PRKG1: variants seen among roughly 807,000 people sequenced by gnomAD.
PRKG1 encodes the protein protein kinase cGMP-dependent 1.
A neutral mutation model predicts 88.1 loss-of-function variants in PRKG1; 35 were observed. The ratio of observed to expected loss-of-function variants is 0.40; its 90% CI spans 0.30 to 0.53. The LOEUF (loss-of-function observed/expected upper bound fraction) is 0.53, where lower values mean the gene tolerates loss of function less well. Among genes scored for constraint, PRKG1 ranks in the 20% least tolerant of loss-of-function variants. PRKG1 has a pLI of 0.59. For synonymous variants in PRKG1, 303 were observed against 292.5 expected (o/e 1.04, Z -0.37); for missense variants, 540 against 839.8 (o/e 0.64, Z 4.41).
intron 3 of PRKG1, among the ~76,000 whole-genome samples, chr10:51,685,134 C>A (rs1840954746): frequency 6.6e-6 from 1 of 152,162 alleles, no homozygotes; most frequent in Admixed American, 6.5e-5. Context: ...TAATATTTCT[C>A]CACATTCAGC....
intron 4 of PRKG1, among the ~76,000 whole-genome samples, chr10:51,885,876 T>C (rs2132891947): frequency 6.6e-6 from 1 of 152,320 alleles, no homozygotes; most frequent in Middle Eastern, 3.4e-3. Context: ...ATATTATAAA[T>C]TATCTATTAC....
At chr10:51,754,555 C>T (rs529102849) in intron 3 of PRKG1, among the ~76,000 whole-genome samples, 32 of 152,264 alleles carry the variant, frequency 2.1e-4, no homozygotes, top group African/African-American at 7.5e-4. Flanking sequence ...GGTGTTTCTG[C>T]TTTCAGAGCA....
chr10:51,382,441 G>A (rs35108177), intron 2 of PRKG1, among the ~76,000 whole-genome samples: 22,060 of 152,108 alleles, frequency 0.15, 1,684 homozygotes, highest in Middle Eastern at 0.21. Context: ...TGAAATTAAT[G>A]GAAGATAATA....
intron 9 of PRKG1, among the ~76,000 whole-genome samples, chr10:52,243,695 A>G (rs1840926177): frequency 1.3e-5 from 2 of 151,882 alleles, no homozygotes; most frequent in Non-Finnish European, 1.5e-5. Context: ...GCAAAATAGA[A>G]GTAAAAGTAT....
intron 3 of PRKG1, among the ~76,000 whole-genome samples, chr10:51,563,544 TA>T: frequency 6.6e-6 from 1 of 152,196 alleles, no homozygotes; most frequent in South Asian, 2.1e-4. Context: ...CATTTCAGCC[TA>T]AAGAAACACA....
intron 1 of PRKG1, among the ~76,000 whole-genome samples, chr10:51,128,794 A>G (rs1004446923): frequency 4.6e-5 from 7 of 152,246 alleles, no homozygotes; most frequent in African/African-American, 1.7e-4. Context: ...TAAGAAACAT[A>G]CACAGATGCT....
chr10:51,785,803 T>C (rs763169682), intron 3 of PRKG1, among the ~76,000 whole-genome samples: 2 of 152,152 alleles, frequency 1.3e-5, no homozygotes, highest in Non-Finnish European at 2.9e-5. Context: ...GGACATAGTA[T>C]GATTAAGAAA....
rs149755081 is a variant in PRKG1 at position 51,535,557 on chromosome 10, G to A, written c.592+67721G>A. ...AATCAATTTTTGTTATAAGAAAGTC[G>A]TTTTATCTTTTATCTTTTTCTTGGC... On this transcript the variant is annotated intron_variant, in intron 3 of 17. Transcript: ENST00000373980. Among the ~76,000 whole-genome samples, 24 of 152,138 alleles carry A rather than the reference G, an allele frequency of 1.6e-4. No homozygotes were observed. In the East Asian group the frequency reaches 2.9e-3, roughly 18 times the overall value.
At chr10:51,747,351 T>C (rs1032646160) in intron 3 of PRKG1, among the ~76,000 whole-genome samples, 3 of 152,182 alleles carry the variant, frequency 2.0e-5, no homozygotes, top group East Asian at 1.9e-4. Context: ...GGTTAGCCTA[T>C]TGAAGAAGCC....
intron 4 of PRKG1, among the ~76,000 whole-genome samples, chr10:51,843,723 C>A (rs753900336): frequency 2.6e-5 from 4 of 152,060 alleles, no homozygotes; most frequent in Admixed American, 2.0e-4. Flanking sequence ...AACTTGTGAT[C>A]CTACTTGGAT....
chr10:51,729,830 A>G (rs896827497), intron 3 of PRKG1, among the ~76,000 whole-genome samples: 21 of 151,614 alleles, frequency 1.4e-4, no homozygotes, highest in African/African-American at 4.8e-4. Flanking sequence ...AAATGCACTT[A>G]TACCCCTTTT....
At chr10:52,247,599 G>T (rs1841058505) in intron 9 of PRKG1, among the ~76,000 whole-genome samples, 1 of 152,022 alleles carries the variant, frequency 6.6e-6, no homozygotes, top group African/African-American at 2.4e-5. Flanking sequence ...TAAAGAAAAA[G>T]AATGAAAATG....
In PRKG1 at chr10:52,104,041, ATC is replaced by A. The variant is rs557921026; in HGVS notation, c.936-29796_936-29795del. Among the ~76,000 whole-genome samples the A allele has an allele frequency of 8.8e-3, 1,306 of 148,014 alleles. 16 individuals carry two copies. The highest frequency in any genetic ancestry group is 0.029 in the African/African-American group (1,172 of 40,804). On this transcript the variant is annotated intron_variant, in intron 7 of 17. Coordinates refer to ENST00000373980, the MANE Select transcript of PRKG1 (RefSeq NM_006258.4). ...TATATATATAATGAGATATATATATATCTCATAGTTTATTTTAGCTTAGAATT... is the reference window on the plus strand; with the variant it reads ...TATATATATAATGAGATATATATATATCATAGTTTATTTTAGCTTAGAATT...
intron 9 of PRKG1, among the ~76,000 whole-genome samples, chr10:52,166,809 G>GTATATATATATA (rs1329775053): frequency 2.8e-5 from 2 of 70,194 alleles, no homozygotes; most frequent in South Asian, 6.1e-4. Context: ...ATATATATAT[G>GTATATATATATA]TATATATATG....
intron 3 of PRKG1, among the ~76,000 whole-genome samples, chr10:51,534,049 A>T (rs1564538336): frequency 6.6e-6 from 1 of 152,216 alleles, no homozygotes; most frequent in African/African-American, 2.4e-5. Context: ...ATTTATGCTT[A>T]GGAAGATCAA....
intron 3 of PRKG1, among the ~76,000 whole-genome samples, chr10:51,493,282 C>A (rs910443771): frequency 2.0e-5 from 3 of 152,056 alleles, no homozygotes; most frequent in Non-Finnish European, 4.4e-5. Flanking sequence ...TTTACTTTGT[C>A]CAACATGGAT....
chr10:52,020,428 A>G (rs1845153732), intron 5 of PRKG1, among the ~76,000 whole-genome samples: 1 of 152,202 alleles, frequency 6.6e-6, no homozygotes, highest in Admixed American at 6.5e-5. Context: ...TAGTAACCTC[A>G]ATTCTTGCCT....
chr10:51,298,952 A>G (rs1359995314), intron 2 of PRKG1, among the ~76,000 whole-genome samples: 1 of 152,132 alleles, frequency 6.6e-6, no homozygotes, highest in African/African-American at 2.4e-5. Context: ...GTTCTTTGGT[A>G]AGTGTTTTCC....
intron 2 of PRKG1, among the ~76,000 whole-genome samples, chr10:51,420,918 C>T (rs1421761686): frequency 1.3e-5 from 2 of 152,078 alleles, no homozygotes; most frequent in Non-Finnish European, 2.9e-5. Flanking sequence ...GTGTCACACA[C>T]TTTTAAATGA....
Sources: gnomAD v4.1 joint callset for allele counts (sites outside exome capture counted in the v4.1 genomes callset) on GRCh38, gnomAD v4.1.1 for gene constraint, MANE v1.5 for transcripts, NCBI Gene and HGNC (gene_info 2026-07-23, HGNC 2026-07-21) for gene names.